Variants in PABPC4L observed in about 807,000 individuals in gnomAD.
The protein encoded by PABPC4L is poly(A) binding protein cytoplasmic 4 like.
For missense variants in PABPC4L, 452 were observed against 451.4 expected, an observed-to-expected ratio of 1.00 and a Z score of -0.01; for synonymous variants, 169 against 164.1, an observed-to-expected ratio of 1.03 and a Z score of -0.23.
chr4:134,010,301 G>A, the PABPC4L span, among the ~76,000 whole-genome samples: 6 of 152,054 alleles, frequency 3.9e-5, no homozygotes, highest in East Asian at 1.2e-3. Context: ...TGAAATCTAA[G>A]AAACAAAGCT....
At chr4:134,145,074 C>A in the PABPC4L span, among the ~76,000 whole-genome samples, 2 of 151,706 alleles carry the variant, frequency 1.3e-5, no homozygotes, top group South Asian at 4.1e-4. Flanking sequence ...ATTGCTTGGT[C>A]TTTCCTGAGT....
chr4:134,195,823 G>C (rs1291021603), downstream of PABPC4L, among the ~76,000 whole-genome samples: 1 of 151,572 alleles, frequency 6.6e-6, no homozygotes, highest in Non-Finnish European at 1.5e-5. Context: ...AAAATAATCT[G>C]ACTTTAACAA....
At chr4:133,969,635 A>AT in the PABPC4L span, among the ~76,000 whole-genome samples, 1 of 152,226 alleles carries the variant, frequency 6.6e-6, no homozygotes, top group Non-Finnish European at 1.5e-5. Context: ...GGATGCTTTG[A>AT]TTAGCTAGCA....
the PABPC4L span, among the ~76,000 whole-genome samples, chr4:134,083,714 T>A: frequency 1.3e-5 from 2 of 152,206 alleles, no homozygotes; most frequent in East Asian, 3.9e-4. Context: ...AGATCACTGT[T>A]CTAAATTTAT....
chr4:134,181,612 C>T, the PABPC4L span, among the ~76,000 whole-genome samples: 2 of 151,812 alleles, frequency 1.3e-5, no homozygotes, highest in Non-Finnish European at 2.9e-5. Flanking sequence ...GTTTCTATAC[C>T]TAGAAAACAC....
chr4:134,093,911 C>T, the PABPC4L span, among the ~76,000 whole-genome samples: 3 of 151,322 alleles, frequency 2.0e-5, no homozygotes, highest in African/African-American at 7.3e-5. Flanking sequence ...TTACATTTTA[C>T]AATATAATGT....
At chr4:134,026,962 C>G in the PABPC4L span, among the ~76,000 whole-genome samples, 2 of 151,864 alleles carry the variant, frequency 1.3e-5, no homozygotes, top group African/African-American at 4.8e-5. Context: ...GAATTCCCAG[C>G]CTGCAGAGGG....
the PABPC4L span, among the ~76,000 whole-genome samples, chr4:133,965,110 T>A: frequency 6.6e-6 from 1 of 152,112 alleles, no homozygotes; most frequent in Admixed American, 6.6e-5. Flanking sequence ...GACAAAATAA[T>A]TCAGCAAAGT....
the PABPC4L span, among the ~76,000 whole-genome samples, chr4:133,982,912 T>C: frequency 1.3e-5 from 2 of 152,008 alleles, no homozygotes; most frequent in Admixed American, 1.3e-4. Flanking sequence ...TGTATATACA[T>C]TTAAACATGC....
chr4:133,952,799 C>A, the PABPC4L span, among the ~76,000 whole-genome samples: 1 of 152,114 alleles, frequency 6.6e-6, no homozygotes, highest in Non-Finnish European at 1.5e-5. Context: ...ATAATCAGGT[C>A]TCAACCAAGG....
the PABPC4L span, among the ~76,000 whole-genome samples, chr4:134,019,526 A>C: frequency 6.6e-6 from 1 of 152,216 alleles, no homozygotes; most frequent in Non-Finnish European, 1.5e-5. Context: ...GCACTACCAG[A>C]GAAGAAAAAC....
chr4:134,122,441 T>C, the PABPC4L span, among the ~76,000 whole-genome samples: 42 of 151,922 alleles, frequency 2.8e-4, no homozygotes. Context: ...TTAAATTGTA[T>C]TGTGTTTAAC....
intron 1 of PABPC4L, 93 bp downstream of exon 1, chr4:134,201,625 G>T: frequency 6.4e-6 from 1 of 156,432 alleles, no homozygotes. Context: ...CGCGGCGCCC[G>T]GAGAAAGGAG....
At chr4:134,166,609 TG>T in the PABPC4L span, among the ~76,000 whole-genome samples, 75 of 152,298 alleles carry the variant, frequency 4.9e-4, no homozygotes, top group East Asian at 0.014. Flanking sequence ...TTCTGTGCCT[TG>T]TGCTCACAGG....
the PABPC4L span, among the ~76,000 whole-genome samples, chr4:134,083,564 C>T: frequency 2.0e-5 from 3 of 152,196 alleles, no homozygotes; most frequent in African/African-American, 7.2e-5. Context: ...TCTCTAGCCA[C>T]ATACCTGATA....
At chr4:133,963,129 A>C in the PABPC4L span, among the ~76,000 whole-genome samples, 2 of 152,172 alleles carry the variant, frequency 1.3e-5, no homozygotes, top group East Asian at 3.8e-4. Context: ...CATAAACTTA[A>C]AATAAAAGAA....
the PABPC4L span, among the ~76,000 whole-genome samples, chr4:133,990,022 C>T: frequency 1.3e-5 from 2 of 151,990 alleles, no homozygotes; most frequent in Non-Finnish European, 2.9e-5. Context: ...TAGAGATAAC[C>T]ACCCCCATGA....
chr4:134,193,577 G>A (rs1237989264), downstream of PABPC4L, among the ~76,000 whole-genome samples: 1 of 151,836 alleles, frequency 6.6e-6, no homozygotes, highest in African/African-American at 2.4e-5. Context: ...ATTTTGAAAA[G>A]AAGATCATTT....
the PABPC4L span, among the ~76,000 whole-genome samples, chr4:134,077,961 AAAAACAAAAC>A: frequency 2.0e-5 from 3 of 152,172 alleles, no homozygotes; most frequent in Admixed American, 6.5e-5. Flanking sequence ...CACCCCACAA[AAAAACAAAAC>A]AAAACAAAGC....
Sources: gnomAD v4.1 joint callset for allele counts (sites outside exome capture counted in the v4.1 genomes callset) on GRCh38, gnomAD v4.1.1 for gene constraint, MANE v1.5 for transcripts, NCBI Gene and HGNC (gene_info 2026-07-23, HGNC 2026-07-21) for gene names.